OTOG: variants seen among roughly 807,000 people sequenced by gnomAD.
OTOG encodes otogelin.
OTOG carries 296 observed loss-of-function variants against 313.8 expected under a neutral mutation model. The observed-to-expected ratio is 0.94, with a 90% confidence interval of 0.86 to 1.04. The LOEUF (loss-of-function observed/expected upper bound fraction) is 1.04, where lower values mean the gene tolerates loss of function less well. Among genes scored for constraint, OTOG ranks in the 50% least tolerant of loss-of-function variants. The pLI, the probability that OTOG is intolerant of heterozygous loss-of-function variation, is 0.00. For missense variants in OTOG, 3,948 were observed against 3,840.1 expected, an observed-to-expected ratio of 1.03 and a Z score of -0.74; for synonymous variants, 1,533 against 1,554.9, an observed-to-expected ratio of 0.99 and a Z score of 0.33.
intron 44 of OTOG, 108 bp from the exon 45 acceptor site, chr11:17,634,736 G>T: frequency 1.1e-6 from 1 of 875,552 alleles, no homozygotes; most frequent in Non-Finnish European, 1.8e-6. Context: ...CTGGGGGGAG[G>T]AGTGGGGCCA....
Position 17,641,873 on chromosome 11 carries a change from C to T in OTOG, c.8217C>T (p.Asp2739=). The part of the protein sequence containing the change: ...EANQEYEHPR[D]LAACCGSCRN... ...ACCAGGAGTACGAGCACCCGCGGGA[C>T]CTCGCTGCCTGCTGCGGCTCCTGCA... The change falls in exon 52 of 56, where the codon GAC becomes GAT. Residue 2739 remains aspartate (D), a synonymous_variant. Coordinates refer to ENST00000399397, the MANE Select transcript of OTOG (RefSeq NM_001292063.2). 1.3e-6 allele frequency: 2 copies of T among 1,550,248 alleles called. No individual in the cohort carries two copies. The highest frequency in any genetic ancestry group is 1.7e-6 in the Non-Finnish European group (2 of 1,146,800).
Position 17,632,084 on chromosome 11 carries a change from C to T in OTOG, c.6934-4C>T, listed in dbSNP as rs1854142719. On this transcript the variant is annotated splice_polypyrimidine_tract_variant and splice_region_variant and intron_variant, in intron 41 of 55. Coordinates refer to ENST00000399397, the MANE Select transcript of OTOG (RefSeq NM_001292063.2). ...AACCAGCACTGCCTGATGCATATGT[C>T]CAGGTGCCTCCGGAGTCATTCTGTG... The T allele has an allele frequency of 6.4e-7, 1 of 1,550,778 alleles. No individual in the cohort carries two copies. Among genetic ancestry groups the T allele is most frequent in the Non-Finnish European group, 8.7e-7 (1 of 1,146,924 alleles).
At chr11:17,574,563 G>A (rs1852474849) in intron 19 of OTOG, among the ~76,000 whole-genome samples, 157 bp from the exon 20 acceptor site, 1 of 152,206 alleles carries the variant, frequency 6.6e-6, no homozygotes. Flanking sequence ...TCAGACCTGG[G>A]TTCAAATCCT....
chr11:17,570,298 G>T lies in OTOG; in HGVS notation c.1863G>T (p.Gly621=). The stretch of plus-strand genomic sequence containing the variant: ...TGCGGGTGCTCTACGACCGTGAAGG[G>T]CTCCGACTGTACCTGCAAGTGGACC... ...VGVRVLYDRE[G]LRLYLQVDQR... Residue 621 remains glycine (G), a synonymous_variant, in exon 17 of 56, where the codon GGG becomes GGT. Transcript: ENST00000399397. The T allele has an allele frequency of 1.3e-6, 2 of 1,550,800 alleles. No homozygotes were observed. Among genetic ancestry groups the T allele is most frequent in the East Asian group, 4.9e-5 (2 of 40,918 alleles).
intron 23 of OTOG, 36 bp downstream of exon 23, chr11:17,578,562 A>G: frequency 6.7e-7 from 1 of 1,490,942 alleles, no homozygotes; most frequent in Non-Finnish European, 8.9e-7. Flanking sequence ...CGTGATCCTG[A>G]AGGCTGGCAG....
Position 17,638,516 on chromosome 11 carries a change from A to G in OTOG, c.7861A>G (p.Ser2621Gly). ...GGGCACTGCCCTGGTGGAGGTGTGG[A>G]GCCCCGACCGCTGCTGCCCCTACAA... ...GLGTALVEVW[S>G]PDRCCPYKSC... Residue 2621 changes from serine (S) to glycine (G), a missense_variant, in exon 48 of 56, where the codon AGC becomes GGC. Physicochemically the swap from Ser to Gly is moderately conservative, Grantham distance 56 (BLOSUM62 0). Transcript: ENST00000399397. 1 of 1,550,298 alleles carries G rather than the reference A, an allele frequency of 6.5e-7. No homozygotes were observed. Among genetic ancestry groups the G allele is most frequent in the Non-Finnish European group, 8.7e-7 (1 of 1,146,964 alleles).
At chr11:17,579,252 C>G (rs535199671) in intron 23 of OTOG, among the ~76,000 whole-genome samples, 3 of 152,126 alleles carry the variant, frequency 2.0e-5, no homozygotes, top group African/African-American at 7.2e-5. Context: ...GTGGCCCAGG[C>G]GTGAAAGCCT....
intron 3 of OTOG, among the ~76,000 whole-genome samples, chr11:17,549,763 A>C (rs1851895057): frequency 6.6e-6 from 1 of 152,002 alleles, no homozygotes; most frequent in Non-Finnish European, 1.5e-5. Flanking sequence ...GTCATAAGTG[A>C]GTGGACCAGG....
chr11:17,618,516 G>A (rs78522163), intron 39 of OTOG, among the ~76,000 whole-genome samples: 4,846 of 152,228 alleles, frequency 0.032, 271 homozygotes, highest in African/African-American at 0.11. Context: ...CTCTAAGTAA[G>A]TGTGTATTTT....
chr11:17,613,109 C>G (rs1035329950), intron 38 of OTOG, among the ~76,000 whole-genome samples: 4 of 152,200 alleles, frequency 2.6e-5, no homozygotes, highest in Non-Finnish European at 5.9e-5. Flanking sequence ...AGGGAATCTC[C>G]TACTAGGATG....
At chr11:17,643,269 C>T (rs1848010349) in intron 53 of OTOG, among the ~76,000 whole-genome samples, 192 bp from the exon 54 acceptor site, 2 of 152,238 alleles carry the variant, frequency 1.3e-5, no homozygotes, top group African/African-American at 2.4e-5. Context: ...AAGGGGGCTA[C>T]GTGCAGCCTT....
chr11:17,629,471 T>C (rs1464798524), intron 40 of OTOG, among the ~76,000 whole-genome samples, 155 bp downstream of exon 40: 2 of 152,206 alleles, frequency 1.3e-5, no homozygotes, highest in African/African-American at 4.8e-5. Context: ...TAACGTCTTG[T>C]GTCCTGGGGC....
chr11:17,574,181 G>A (rs922267479), intron 19 of OTOG, among the ~76,000 whole-genome samples: 1 of 152,184 alleles, frequency 6.6e-6, no homozygotes, highest in African/African-American at 2.4e-5. Context: ...ACTCTGGGGG[G>A]AGTGGGATGC....
At chr11:17,645,267 C>A (rs558580451) in intron 54 of OTOG, among the ~76,000 whole-genome samples, 1 of 152,214 alleles carries the variant, frequency 6.6e-6, no homozygotes, top group Non-Finnish European at 1.5e-5. Flanking sequence ...GGTGGGGAGG[C>A]AGCCTCACTC....
rs1308623991 is a variant in OTOG at position 17,645,651 on chromosome 11, G to T, written c.8541+8G>T. On this transcript the variant is annotated splice_region_variant and intron_variant, in intron 55 of 55. Coordinates refer to ENST00000399397, the MANE Select transcript of OTOG (RefSeq NM_001292063.2). ...TGCAGGAGCAGCACCCCTGTGCGTGGTGCCCACAAGGCAGTGGGGCAGCAA... is the reference window on the plus strand; with the variant it reads ...TGCAGGAGCAGCACCCCTGTGCGTGTTGCCCACAAGGCAGTGGGGCAGCAA... The T allele has an allele frequency of 6.4e-7, 1 of 1,550,588 alleles. No individual in the cohort carries two copies. The highest frequency in any genetic ancestry group is 1.4e-5 in the African/African-American group (1 of 73,072).
chr11:17,631,559 T>A, intron 40 of OTOG, 143 bp from the exon 41 acceptor site: 1 of 694,108 alleles, frequency 1.4e-6, no homozygotes, highest in Non-Finnish European at 2.4e-6. Context: ...CTAGCTTCCC[T>A]TCACCTAATT....
At chr11:17,623,473 G>A (rs1590049782) in intron 39 of OTOG, among the ~76,000 whole-genome samples, 1 of 152,182 alleles carries the variant, frequency 6.6e-6, no homozygotes, top group Non-Finnish European at 1.5e-5. Context: ...CAGAGGACAT[G>A]ATCTCATTCT....
chr11:17,614,880 G>A (rs1170970992), intron 39 of OTOG, among the ~76,000 whole-genome samples: 2 of 152,160 alleles, frequency 1.3e-5, no homozygotes, highest in Non-Finnish European at 2.9e-5. Context: ...TGTAGATAAA[G>A]CCCCCAGGAG....
At chr11:17,638,620 C>G in intron 48 of OTOG, 71 bp downstream of exon 48, 3 of 1,502,404 alleles carry the variant, frequency 2.0e-6, no homozygotes. Flanking sequence ...ATTGAGGGAG[C>G]CCGGCCTACC....
Sources: gnomAD v4.1 joint callset for allele counts (sites outside exome capture counted in the v4.1 genomes callset) on GRCh38, gnomAD v4.1.1 for gene constraint, MANE v1.5 for transcripts, NCBI Gene and HGNC (gene_info 2026-07-23, HGNC 2026-07-21) for gene names.